Variants in SDCCAG8 observed in about 807,000 individuals in gnomAD.
The protein encoded by SDCCAG8 is SHH signaling and ciliogenesis regulator SDCCAG8, also known as serologically defined colon cancer antigen 8.
A neutral mutation model predicts 101.8 loss-of-function variants in SDCCAG8; 74 were observed. That is an observed-to-expected ratio of 0.73 (90% CI 0.60 to 0.88). SDCCAG8 has a LOEUF of 0.88. SDCCAG8 is among the 40% of genes least tolerant of loss of function. The probability of loss-of-function intolerance (pLI) is 0.00; values close to 1 mark genes in which losing one functional copy is unlikely to be tolerated. For missense variants in SDCCAG8, 787 were observed against 822.6 expected (o/e 0.96, Z 0.53); for synonymous variants, 281 against 292.9 (o/e 0.96, Z 0.41).
At chr1:243,305,193 T>G (rs534291334) in intron 7 of SDCCAG8, 361 of 173,252 alleles carry the variant, frequency 2.1e-3, no homozygotes, top group Admixed American at 3.3e-3. Flanking sequence ...TAGTCCCAGC[T>G]ACTTGGGAGG....
At chr1:243,267,204 C>A (rs2067685198) in intron 1 of SDCCAG8, 1 of 173,510 alleles carries the variant, frequency 5.8e-6, no homozygotes, top group African/African-American at 2.5e-5. Flanking sequence ...GATCGCACCA[C>A]TACACTGCAG....
intron 8 of SDCCAG8, among the ~76,000 whole-genome samples, chr1:243,311,832 T>G (rs1425629635): frequency 6.6e-6 from 1 of 152,136 alleles, no homozygotes; most frequent in Non-Finnish European, 1.5e-5. Context: ...TCCTTCTAGA[T>G]TATGAAAAAA....
chr1:243,354,858 ATT>A (rs1425221988), intron 12 of SDCCAG8, among the ~76,000 whole-genome samples: 1 of 152,188 alleles, frequency 6.6e-6, no homozygotes, highest in Non-Finnish European at 1.5e-5. Flanking sequence ...ACCAAAAACA[ATT>A]TTGCAATTGT....
intron 12 of SDCCAG8, among the ~76,000 whole-genome samples, chr1:243,356,425 G>GGGT (rs1553324175): frequency 2.0e-5 from 3 of 150,258 alleles, no homozygotes; most frequent in African/African-American, 7.4e-5. Flanking sequence ...AGTGGCGGGG[G>GGGT]GGTGGTGGGG....
At chr1:243,406,970 A>G (rs928118899) in intron 13 of SDCCAG8, among the ~76,000 whole-genome samples, 1 of 151,882 alleles carries the variant, frequency 6.6e-6, no homozygotes, top group East Asian at 1.9e-4. Context: ...CTACTCCCCA[A>G]TTCCTATCCT....
At chr1:243,473,917 GC>G (rs1458325116) in intron 16 of SDCCAG8, among the ~76,000 whole-genome samples, 3 of 38,362 alleles carry the variant, frequency 7.8e-5, no homozygotes, top group East Asian at 2.0e-3. Flanking sequence ...GAGGAGAGTT[GC>G]CGGCGGGGGG....
At chr1:243,420,669 C>G (rs1018123333) in intron 15 of SDCCAG8, among the ~76,000 whole-genome samples, 3 of 152,100 alleles carry the variant, frequency 2.0e-5, no homozygotes, top group African/African-American at 7.2e-5. Context: ...AACTCTCAAG[C>G]GCCCCTAAAA....
intron 12 of SDCCAG8, among the ~76,000 whole-genome samples, chr1:243,372,952 A>ACC (rs1553331874): frequency 7.2e-6 from 1 of 138,928 alleles, no homozygotes; most frequent in African/African-American, 2.7e-5. Context: ...ATCTATATCT[A>ACC]TCTATATATA....
chr1:243,291,598 A>G (rs1160177254), intron 5 of SDCCAG8, among the ~76,000 whole-genome samples: 6 of 152,238 alleles, frequency 3.9e-5, no homozygotes, highest in Non-Finnish European at 2.9e-5. Flanking sequence ...CTGAAGATAA[A>G]TATTTTTCTG....
At position 243,270,990 on chromosome 1, in the gene SDCCAG8, A is replaced by G. The variant is rs750977682; in HGVS notation, c.233A>G (p.Lys78Arg). 4.6e-5 allele frequency: 74 copies of G among 1,613,034 alleles called. No homozygotes were observed. The highest frequency in any genetic ancestry group is 1.8e-4 in the Admixed American group (11 of 59,972). ...TTTTGCTCTATAGTTAATCAGCTCA[A>G]AGATTTGTTGCGCCAACAAGCAGAT... is the stretch of plus-strand genomic sequence containing the variant. ...LQQSHAVNQLKDLLRQQADKE... is the reference protein window; with the variant it reads ...LQQSHAVNQLRDLLRQQADKE... The change falls in exon 3 of 18, where the codon AAA (lysine) becomes AGA (arginine). Residue 78 changes from lysine (K) to arginine (R), a missense_variant. Physicochemically the swap from Lys to Arg is conservative, Grantham distance 26. Coordinates refer to ENST00000366541, the MANE Select transcript of SDCCAG8 (RefSeq NM_006642.5).
At chr1:243,489,260 G>A in intron 17 of SDCCAG8, 120 bp downstream of exon 17, 1 of 1,347,002 alleles carries the variant, frequency 7.4e-7, no homozygotes, top group Non-Finnish European at 1.0e-6. Context: ...TAAGCTGGGA[G>A]GGAGGTCCCG....
chr1:243,469,027 T>A (rs935978703), intron 16 of SDCCAG8, among the ~76,000 whole-genome samples: 4 of 152,200 alleles, frequency 2.6e-5, no homozygotes, highest in African/African-American at 9.6e-5. Flanking sequence ...TAGTATGATT[T>A]TATAGAGCAA....
chr1:243,448,048 G>A (rs1343854442), intron 16 of SDCCAG8, among the ~76,000 whole-genome samples: 1 of 152,190 alleles, frequency 6.6e-6, no homozygotes, highest in Non-Finnish European at 1.5e-5. Context: ...TGTGCAGCAG[G>A]ATTCCCGAGT....
rs540721028 is a variant in SDCCAG8 at position 243,449,230 on chromosome 1, A to G, written c.1985+22672A>G. ...CCTTATTTTTCAAGGTTTGTAGGTC[A>G]TGCTTAATGGAGCGACTTGCTAAGG... On this transcript the variant is annotated intron_variant, in intron 16 of 17. Transcript: ENST00000366541. Among the ~76,000 whole-genome samples, 116 of 152,336 alleles carry G rather than the reference A, an allele frequency of 7.6e-4. 1 individual carries two copies. The highest frequency in any genetic ancestry group is 2.8e-3 in the African/African-American group (115 of 41,582).
chr1:243,307,830 T>A, intron 7 of SDCCAG8, 159 bp from the exon 8 acceptor site: 1 of 1,472,444 alleles, frequency 6.8e-7, no homozygotes. Context: ...CACACCAAAG[T>A]TTCAGGGTCG....
At chr1:243,288,986 G>A (rs1284118594) in intron 5 of SDCCAG8, among the ~76,000 whole-genome samples, 10 of 144,750 alleles carry the variant, frequency 6.9e-5, no homozygotes, top group Non-Finnish European at 1.3e-4. Flanking sequence ...TGGCCTGGGC[G>A]ACAGAGCAAG....
In SDCCAG8 at chr1:243,256,105, T is replaced by C; in HGVS notation, c.-69T>C. 6.8e-7 allele frequency: 1 copy of C among 1,474,474 alleles called. No individual in the cohort carries two copies. Among genetic ancestry groups the C allele is most frequent in the African/African-American group, 1.4e-5 (1 of 72,336 alleles). The allele number at this position is 1,474,474 out of a possible 1,614,324, so 91.3% of individuals were successfully genotyped here. On this transcript the variant is annotated 5_prime_UTR_variant, in exon 1 of 18. Coordinates refer to ENST00000366541, the MANE Select transcript of SDCCAG8 (RefSeq NM_006642.5). ...CGGGCGCTCCCCGGCCACAGGCCTGTTGTTCTCGGAAGGGAGAAAGCTGGA... is the reference window on the plus strand; with the variant it reads ...CGGGCGCTCCCCGGCCACAGGCCTGCTGTTCTCGGAAGGGAGAAAGCTGGA...
intron 9 of SDCCAG8, among the ~76,000 whole-genome samples, chr1:243,326,550 G>A (rs2074164108): frequency 6.6e-6 from 1 of 152,132 alleles, no homozygotes; most frequent in Non-Finnish European, 1.5e-5. Context: ...GGTACATAGG[G>A]ATAGACTGAT....
chr1:243,356,417 T>A (rs1260216544), intron 12 of SDCCAG8, among the ~76,000 whole-genome samples: 1 of 5,964 alleles, frequency 1.7e-4, no homozygotes, highest in Non-Finnish European at 9.5e-4. Context: ...AGAAAAGTAG[T>A]GGCGGGGGGG....
Sources: gnomAD v4.1 joint callset for allele counts (sites outside exome capture counted in the v4.1 genomes callset) on GRCh38, gnomAD v4.1.1 for gene constraint, MANE v1.5 for transcripts, NCBI Gene and HGNC (gene_info 2026-07-23, HGNC 2026-07-21) for gene names.